SAMD12: variants seen among roughly 807,000 people sequenced by gnomAD.
SAMD12 encodes sterile alpha motif domain containing 12, also known as sterile alpha motif domain-containing protein 12.
SAMD12 carries 9 observed loss-of-function variants against 15.0 expected under a neutral mutation model. The ratio of observed to expected loss-of-function variants is 0.60; its 90% CI spans 0.36 to 1.05. The LOEUF is 1.05. SAMD12 is among the 50% of genes least tolerant of loss of function. The pLI is 0.01. For missense variants in SAMD12, 230 were observed against 234.2 expected (o/e 0.98, Z 0.12); for synonymous variants, 86 against 90.1 (o/e 0.96, Z 0.25).
intron 4 of SAMD12, among the ~76,000 whole-genome samples, chr8:118,344,752 T>G (rs1403193182): frequency 2.6e-5 from 4 of 152,220 alleles, no homozygotes; most frequent in Non-Finnish European, 5.9e-5. Flanking sequence ...TTTAGTGGAA[T>G]GAAAGGCTCT....
chr8:118,190,199 C>T (rs1055349866), exon 5 of SAMD12: 1 of 152,120 alleles, frequency 6.6e-6, no homozygotes, highest in Non-Finnish European at 1.5e-5. Context: ...TCTCCCCCAT[C>T]CTCCCTTCTC....
At chr8:118,467,858 C>T (rs1275558883) in intron 2 of SAMD12, among the ~76,000 whole-genome samples, 2 of 152,166 alleles carry the variant, frequency 1.3e-5, no homozygotes, top group Non-Finnish European at 2.9e-5. Context: ...ATCGCCAAGA[C>T]ACTCTGTCAA....
chr8:118,593,597 A>G (rs1827642425), intron 1 of SAMD12, among the ~76,000 whole-genome samples: 1 of 152,182 alleles, frequency 6.6e-6, no homozygotes, highest in Non-Finnish European at 1.5e-5. Context: ...GACAGTGCAG[A>G]TTGTTAAATA....
At chr8:118,607,393 G>A (rs946776129) in intron 1 of SAMD12, among the ~76,000 whole-genome samples, 25 of 152,040 alleles carry the variant, frequency 1.6e-4, no homozygotes, top group African/African-American at 6.0e-4. Flanking sequence ...GTGCCACGAC[G>A]CCCAGCTAAT....
At chr8:118,145,228 A>T in the SAMD12 span, among the ~76,000 whole-genome samples, 1 of 152,128 alleles carries the variant, frequency 6.6e-6, no homozygotes, top group African/African-American at 2.4e-5. Context: ...ACATTAGCCC[A>T]TGGGATTATC....
chr8:118,572,715 G>T (rs1245295026), intron 2 of SAMD12, among the ~76,000 whole-genome samples: 1 of 152,138 alleles, frequency 6.6e-6, no homozygotes, highest in Non-Finnish European at 1.5e-5. Context: ...CACGTGGCTA[G>T]GGAAGTCTCA....
intron 4 of SAMD12, among the ~76,000 whole-genome samples, chr8:118,280,577 C>T (rs1813597943): frequency 6.6e-6 from 1 of 152,086 alleles, no homozygotes; most frequent in South Asian, 2.1e-4. Flanking sequence ...AGAGCCATGA[C>T]TCTGGACTAT....
intron 1 of SAMD12, among the ~76,000 whole-genome samples, chr8:118,609,127 CAAGT>C (rs1828047783): frequency 6.6e-6 from 1 of 152,072 alleles, no homozygotes; most frequent in South Asian, 2.1e-4. Context: ...GAATAAAGAA[CAAGT>C]AAGATAATGA....
the SAMD12 span, among the ~76,000 whole-genome samples, chr8:118,164,980 T>TGTGTGTGTGC: frequency 7.0e-6 from 1 of 142,358 alleles, no homozygotes; most frequent in East Asian, 2.0e-4. Flanking sequence ...ACTAGATGTG[T>TGTGTGTGTGC]GTGTGTGTGT....
At chr8:118,276,388 C>G (rs924343791) in intron 4 of SAMD12, among the ~76,000 whole-genome samples, 1 of 152,136 alleles carries the variant, frequency 6.6e-6, no homozygotes. Context: ...TAGTATACTA[C>G]TTGTTGCCTT....
chr8:118,342,044 C>A (rs1817393144), intron 4 of SAMD12, among the ~76,000 whole-genome samples: 1 of 152,164 alleles, frequency 6.6e-6, no homozygotes, highest in African/African-American at 2.4e-5. Context: ...AATCCCAGCA[C>A]TTTGGGAGGC....
chr8:118,618,162 A>AAGC (rs1828292537), intron 1 of SAMD12, among the ~76,000 whole-genome samples: 1 of 152,176 alleles, frequency 6.6e-6, no homozygotes, highest in South Asian at 2.1e-4. Context: ...CATGGGTCAC[A>AAGC]AGCAGACTAG....
intron 4 of SAMD12, among the ~76,000 whole-genome samples, chr8:118,359,045 A>T (rs1305688303): frequency 6.6e-6 from 1 of 150,882 alleles, no homozygotes; most frequent in Non-Finnish European, 1.5e-5. Flanking sequence ...ATATGTGTGT[A>T]TTCTCCTTCT....
chr8:118,447,037 A>G (rs1822935330), intron 2 of SAMD12, among the ~76,000 whole-genome samples: 1 of 152,204 alleles, frequency 6.6e-6, no homozygotes, highest in African/African-American at 2.4e-5. Flanking sequence ...TTCATATCAT[A>G]GAAACTCTAT....
chr8:118,158,090 A>G, the SAMD12 span, among the ~76,000 whole-genome samples: 1 of 152,198 alleles, frequency 6.6e-6, no homozygotes, highest in Non-Finnish European at 1.5e-5. Context: ...GCAGGACAGA[A>G]TATAAGAGAA....
intron 2 of SAMD12, among the ~76,000 whole-genome samples, chr8:118,487,002 C>G (rs1043774100): frequency 2.6e-5 from 4 of 152,152 alleles, no homozygotes; most frequent in Non-Finnish European, 5.9e-5. Context: ...CCTGCCCATG[C>G]TGGTGTTTTC....
At chr8:118,554,434 C>T (rs1047360197) in intron 2 of SAMD12, among the ~76,000 whole-genome samples, 1 of 150,248 alleles carries the variant, frequency 6.7e-6, no homozygotes, top group Non-Finnish European at 1.5e-5. Flanking sequence ...ATCGCAAGAA[C>T]AAAAAACCAA....
intron 2 of SAMD12, among the ~76,000 whole-genome samples, chr8:118,531,244 T>C (rs893625230): frequency 2.0e-5 from 3 of 152,208 alleles, no homozygotes; most frequent in African/African-American, 2.4e-5. Context: ...GTTGTAGATA[T>C]GTGGTATTAT....
intron 4 of SAMD12, among the ~76,000 whole-genome samples, chr8:118,227,582 C>A (rs1250844097): frequency 6.6e-6 from 1 of 152,110 alleles, no homozygotes; most frequent in Non-Finnish European, 1.5e-5. Flanking sequence ...GAATATGATA[C>A]TGGGTAAGTC....
Sources: gnomAD v4.1 joint callset for allele counts (sites outside exome capture counted in the v4.1 genomes callset) on GRCh38, gnomAD v4.1.1 for gene constraint, MANE v1.5 for transcripts, NCBI Gene and HGNC (gene_info 2026-07-23, HGNC 2026-07-21) for gene names.